The following ZNF704 variants were observed in gnomAD, a reference collection of about 807,000 sequenced individuals.
ZNF704 encodes zinc finger protein 704, also known as glucocorticoid induced gene 1.
ZNF704 carries 10 observed loss-of-function variants against 44.7 expected under a neutral mutation model. The ratio of observed to expected loss-of-function variants is 0.22; its 90% CI spans 0.14 to 0.38. ZNF704 has a LOEUF of 0.38. Ranked by LOEUF, ZNF704 falls within the 10% of genes least tolerant of loss-of-function variation. The pLI is 1.00. For synonymous variants in ZNF704, 211 were observed against 207.6 expected, an observed-to-expected ratio of 1.02 and a Z score of -0.14; for missense variants, 390 against 545.5, an observed-to-expected ratio of 0.71 and a Z score of 2.84.
rs1248106953 is a variant in ZNF704, at chr8:80,639,826, A to G, written c.*1540T>C. The G allele has an allele frequency of 6.5e-6, 1 of 152,684 alleles. No homozygotes were observed. The highest frequency in any genetic ancestry group is 2.4e-5 in the African/African-American group (1 of 41,462). The allele number at this position is 152,684 out of a possible 1,614,324, so 9.5% of individuals were successfully genotyped here. ...TTTCCTCTGTGCAATTTCATTTAACATTCCTATGGCTGATCCCATGTCCCC... is the reference window on the plus strand; with the variant it reads ...TTTCCTCTGTGCAATTTCATTTAACGTTCCTATGGCTGATCCCATGTCCCC... On this transcript the variant is annotated 3_prime_UTR_variant, in exon 9 of 9. Transcript: ENST00000327835.
At chr8:80,688,661 C>G (rs1005960735) in intron 3 of ZNF704, among the ~76,000 whole-genome samples, 1 of 152,196 alleles carries the variant, frequency 6.6e-6, no homozygotes, top group African/African-American at 2.4e-5. Context: ...AATAATTACT[C>G]TAAGATTGCT....
chr8:80,771,346 C>T (rs1807316751), intron 2 of ZNF704, among the ~76,000 whole-genome samples: 1 of 152,004 alleles, frequency 6.6e-6, no homozygotes, highest in African/African-American at 2.4e-5. Context: ...CATGGTATGT[C>T]TCTCCATTTA....
chr8:80,687,853 T>C (rs1818565953), intron 3 of ZNF704, among the ~76,000 whole-genome samples: 1 of 152,180 alleles, frequency 6.6e-6, no homozygotes, highest in Admixed American at 6.5e-5. Context: ...TTCTCCTGAA[T>C]GGTTTGGTCA....
At chr8:80,742,242 C>A (rs1806772700) in intron 2 of ZNF704, among the ~76,000 whole-genome samples, 1 of 152,138 alleles carries the variant, frequency 6.6e-6, no homozygotes. Context: ...TATAGAAGGA[C>A]CCCTCTTATG....
intron 2 of ZNF704, among the ~76,000 whole-genome samples, chr8:80,707,927 T>C (rs1432199693): frequency 2.0e-5 from 3 of 152,244 alleles, no homozygotes; most frequent in African/African-American, 7.2e-5. Flanking sequence ...CATAAGACAC[T>C]TGGAGTGTCC....
In ZNF704 at chr8:80,664,208, C is replaced by T. The variant is rs370442718; in HGVS notation, c.927+607G>A. ...GTCTCTCGGGTTCAAGCAATTCTCCCGCCTCAGCCTCCCAAGTAGCTGGGA... is the reference window on the plus strand; with the variant it reads ...GTCTCTCGGGTTCAAGCAATTCTCCTGCCTCAGCCTCCCAAGTAGCTGGGA... On this transcript the variant is annotated intron_variant, in intron 6 of 8. Coordinates refer to ENST00000327835, the MANE Select transcript of ZNF704 (RefSeq NM_001033723.3). Among the ~76,000 whole-genome samples the T allele has an allele frequency of 2.7e-3, 411 of 151,552 alleles. 2 individuals carry two copies. The highest frequency in any genetic ancestry group is 9.4e-3 in the African/African-American group (389 of 41,278).
intron 2 of ZNF704, among the ~76,000 whole-genome samples, chr8:80,702,217 T>C (rs950588448): frequency 4.0e-5 from 6 of 151,800 alleles, no homozygotes; most frequent in African/African-American, 1.5e-4. Flanking sequence ...TGCTTGTAGG[T>C]GTGGGGCTGG....
At chr8:80,722,095 C>A (rs1159047478) in intron 2 of ZNF704, among the ~76,000 whole-genome samples, 1 of 152,104 alleles carries the variant, frequency 6.6e-6, no homozygotes, top group Non-Finnish European at 1.5e-5. Context: ...AAAAACGTAG[C>A]TGGGAGTGGT....
chr8:80,710,369 A>T (rs1399810209), intron 2 of ZNF704, among the ~76,000 whole-genome samples: 1 of 152,130 alleles, frequency 6.6e-6, no homozygotes, highest in African/African-American at 2.4e-5. Flanking sequence ...TGAGGTCAAT[A>T]TTACTCTCTT....
At chr8:80,641,537 G>T in intron 8 of ZNF704, 60 bp from the exon 9 acceptor site, 1 of 1,042,416 alleles carries the variant, frequency 9.6e-7, no homozygotes, top group East Asian at 2.7e-5. Context: ...ATTCTATGGA[G>T]AGCTCAAAAA....
chr8:80,883,289 A>G, the ZNF704 span, among the ~76,000 whole-genome samples: 1 of 151,838 alleles, frequency 6.6e-6, no homozygotes, highest in Admixed American at 6.6e-5. Flanking sequence ...TAAGGATCAA[A>G]TAATAATTAG....
At chr8:80,826,596 C>T (rs1393223916) in intron 1 of ZNF704, among the ~76,000 whole-genome samples, 1 of 152,140 alleles carries the variant, frequency 6.6e-6, no homozygotes. Context: ...CATCCTGATA[C>T]CAAAGCCGGG....
intron 2 of ZNF704, among the ~76,000 whole-genome samples, chr8:80,764,469 C>T (rs1807193257): frequency 6.6e-6 from 1 of 152,148 alleles, no homozygotes. Context: ...GAAACTGCCC[C>T]ATCATCCAAT....
At chr8:80,863,549 C>T (rs183467744) in intron 1 of ZNF704, among the ~76,000 whole-genome samples, 1 of 152,214 alleles carries the variant, frequency 6.6e-6, no homozygotes, top group African/African-American at 2.4e-5. Context: ...AACTTCTATT[C>T]TTCTCTGAGG....
chr8:80,799,488 G>A (rs552693082), intron 2 of ZNF704, among the ~76,000 whole-genome samples: 11 of 152,106 alleles, frequency 7.2e-5, no homozygotes, highest in Non-Finnish European at 1.6e-4. Flanking sequence ...AATAGCCACT[G>A]GTGGTACCTC....
intron 2 of ZNF704, among the ~76,000 whole-genome samples, chr8:80,739,020 T>C (rs780112856): frequency 7.2e-5 from 11 of 152,218 alleles, no homozygotes; most frequent in Non-Finnish European, 1.3e-4. Flanking sequence ...TCTTTCCCTG[T>C]TCATACTTTA....
intron 1 of ZNF704, among the ~76,000 whole-genome samples, chr8:80,823,689 C>T (rs1323979096): frequency 6.6e-6 from 1 of 152,138 alleles, no homozygotes; most frequent in African/African-American, 2.4e-5. Context: ...CTGACTGAAA[C>T]CTCATACAGC....
chr8:80,814,580 T>C (rs577517635), intron 2 of ZNF704, among the ~76,000 whole-genome samples: 1 of 152,328 alleles, frequency 6.6e-6, no homozygotes, highest in South Asian at 2.1e-4. Flanking sequence ...TTTATGGGTA[T>C]TGCTTCAGTT....
At chr8:80,709,558 G>A (rs944053557) in intron 2 of ZNF704, among the ~76,000 whole-genome samples, 6 of 151,578 alleles carry the variant, frequency 4.0e-5, no homozygotes, top group African/African-American at 7.3e-5. Flanking sequence ...TGGGGAAGGT[G>A]CCTATGAAGG....
Sources: allele counts gnomAD v4.1 joint callset (sites outside exome capture counted in the v4.1 genomes callset), GRCh38; gene constraint gnomAD v4.1.1; transcripts MANE v1.5; gene names NCBI Gene and HGNC (gene_info 2026-07-23, HGNC 2026-07-21).